LARS1: variants seen among roughly 807,000 people sequenced by gnomAD.
LARS1 encodes leucyl-tRNA synthetase 1, also known as leucine--tRNA ligase, cytoplasmic.
LARS1 carries 100 observed loss-of-function variants against 162.8 expected under a neutral mutation model. The ratio of observed to expected loss-of-function variants is 0.61; its 90% CI spans 0.52 to 0.73. The LOEUF is 0.73. Ranked by LOEUF, LARS1 falls within the 30% of genes least tolerant of loss-of-function variation. LARS1 has a pLI of 0.00. For synonymous variants in LARS1, 457 were observed against 462.8 expected, an observed-to-expected ratio of 0.99 and a Z score of 0.16; for missense variants, 1,258 against 1,408.9, an observed-to-expected ratio of 0.89 and a Z score of 1.71.
At chr5:146,166,727 A>G (rs1754022781) in intron 5 of LARS1, among the ~76,000 whole-genome samples, 1 of 152,234 alleles carries the variant, frequency 6.6e-6, no homozygotes, top group Non-Finnish European at 1.5e-5. Context: ...TTAGAAGACT[A>G]GAGTAATAAT....
chr5:146,143,132 T>G (rs1211146980), intron 19 of LARS1, 48 bp from the exon 20 acceptor site: 11 of 1,052,024 alleles, frequency 1.0e-5, no homozygotes, highest in East Asian at 2.9e-5. Flanking sequence ...TATATGTAAT[T>G]TCTTTGGAAG....
At chr5:146,174,116 A>T (rs923902735) in intron 2 of LARS1, among the ~76,000 whole-genome samples, 42 of 144,760 alleles carry the variant, frequency 2.9e-4, no homozygotes, top group Admixed American at 2.6e-3. Flanking sequence ...AACACCAGAG[A>T]CTATATTACA....
In LARS1 at chr5:146,128,990, T is replaced by G. The variant is rs1273559314; in HGVS notation, c.2757A>C (p.Pro919=). 1 of 1,583,468 alleles carries G rather than the reference T, an allele frequency of 6.3e-7. No individual in the cohort carries two copies. Among genetic ancestry groups the G allele is most frequent in the Non-Finnish European group, 8.5e-7 (1 of 1,171,732 alleles). ...AAAAAAACTTTACCTTCCCTTTAGC[T>G]GGCATCATATAGTTCTTGAGTCGTA... ...LRLRLKNYMM[P]AKGKKTDKQP... Residue 919 remains proline, a synonymous_variant, in exon 26 of 32, where the codon CCA becomes CCC. Transcript: ENST00000394434.
At chr5:146,140,148 T>A (rs1469653814) in intron 21 of LARS1, 56 bp downstream of exon 21, 14 of 1,378,404 alleles carry the variant, frequency 1.0e-5, no homozygotes, top group African/African-American at 1.4e-5. Context: ...TGCAACAACC[T>A]AAATCTGAAA....
intron 21 of LARS1, among the ~76,000 whole-genome samples, chr5:146,135,928 T>C (rs1752481396): frequency 6.6e-6 from 1 of 152,232 alleles, no homozygotes; most frequent in Admixed American, 6.5e-5. Context: ...TGATTTAGCC[T>C]ATACTGTCTG....
chr5:146,150,329 C>T (rs1466042856), intron 14 of LARS1, among the ~76,000 whole-genome samples: 1 of 152,192 alleles, frequency 6.6e-6, no homozygotes, highest in Non-Finnish European at 1.5e-5. Context: ...TTATATTTCT[C>T]TCAAATTGTT....
intron 31 of LARS1, among the ~76,000 whole-genome samples, chr5:146,119,698 G>A (rs1751733158): frequency 6.6e-6 from 1 of 152,106 alleles, no homozygotes; most frequent in Admixed American, 6.6e-5. Context: ...AATCACAAAA[G>A]ATGCAGACTT....
intron 1 of LARS1, chr5:146,179,785 T>C: frequency 3.5e-6 from 1 of 286,778 alleles, no homozygotes; most frequent in Non-Finnish European, 7.4e-6. Flanking sequence ...TATTTTTTTG[T>C]AGAGACAGGG....
intron 15 of LARS1, among the ~76,000 whole-genome samples, chr5:146,148,399 T>TA (rs755690234): frequency 7.2e-5 from 11 of 152,106 alleles, no homozygotes; most frequent in Non-Finnish European, 1.2e-4. Flanking sequence ...AGAAAAGAAA[T>TA]AGACAGTTGG....
intron 5 of LARS1, 104 bp downstream of exon 5, chr5:146,168,024 C>G: frequency 3.1e-6 from 3 of 975,620 alleles, no homozygotes; most frequent in Non-Finnish European, 4.4e-6. Flanking sequence ...AAAAAATGAT[C>G]TAGTACATTT....
chr5:146,153,009 C>G (rs1753361114), intron 13 of LARS1, among the ~76,000 whole-genome samples, 165 bp downstream of exon 13: 2 of 152,282 alleles, frequency 1.3e-5, no homozygotes, highest in South Asian at 4.1e-4. Flanking sequence ...TTTCCTTTTG[C>G]TCTTATCTAC....
intron 5 of LARS1, 36 bp from the exon 6 acceptor site, chr5:146,164,507 A>T (rs1229249692): frequency 6.3e-7 from 1 of 1,595,640 alleles, no homozygotes; most frequent in Admixed American, 1.7e-5. Flanking sequence ...TCGATCAAAG[A>T]ATAACCAACA....
At chr5:146,175,972 T>C (rs1262318995) in intron 2 of LARS1, among the ~76,000 whole-genome samples, 4 of 151,550 alleles carry the variant, frequency 2.6e-5, no homozygotes, top group Non-Finnish European at 4.4e-5. Context: ...CTGGGCAACA[T>C]AGCAAGACCC....
chr5:146,143,661 C>T (rs1226066713), intron 18 of LARS1, 111 bp from the exon 19 acceptor site: 3 of 969,306 alleles, frequency 3.1e-6, no homozygotes, highest in Non-Finnish European at 4.5e-6. Context: ...TTAGGAAGCT[C>T]TTAAATTATT....
intron 30 of LARS1, among the ~76,000 whole-genome samples, chr5:146,121,661 T>C (rs952642029): frequency 1.3e-5 from 2 of 151,890 alleles, no homozygotes; most frequent in African/African-American, 4.8e-5. Context: ...AAATGATGAG[T>C]TTATGTCCTT....
At chr5:146,162,902 T>G (rs1047504923) in intron 6 of LARS1, among the ~76,000 whole-genome samples, 15 of 152,164 alleles carry the variant, frequency 9.9e-5, no homozygotes, top group South Asian at 6.2e-4. Flanking sequence ...TGCAACCTCC[T>G]GGGTTCAAGC....
Position 146,182,551 on chromosome 5 carries a change from G to C in LARS1, c.-58C>G. On this transcript the variant is annotated 5_prime_UTR_variant, in exon 1 of 32. Coordinates refer to ENST00000394434, the MANE Select transcript of LARS1 (RefSeq NM_020117.11). ...CAATGACCCTGGCGACCTCCACAAA[G>C]GAGTGGTTACCTTTCCCCTCCCTCT... is the stretch of plus-strand genomic sequence containing the variant. 4.3e-6 allele frequency: 7 copies of C among 1,613,396 alleles called. No homozygotes were observed. The highest frequency in any genetic ancestry group is 2.2e-5 in the East Asian group (1 of 44,870).
intron 30 of LARS1, among the ~76,000 whole-genome samples, chr5:146,120,817 C>T (rs1056114891): frequency 3.9e-5 from 6 of 152,156 alleles, no homozygotes; most frequent in African/African-American, 7.2e-5. Flanking sequence ...AGCACTTCAT[C>T]GACGTTAGTT....
chr5:146,144,682 C>T lies in LARS1; in HGVS notation c.1531G>A (p.Glu511Lys). 1 of 1,614,002 alleles carries T rather than the reference C, an allele frequency of 6.2e-7. No homozygotes were observed. The highest frequency in any genetic ancestry group is 8.5e-7 in the Non-Finnish European group (1 of 1,180,004). Reference protein sequence around the residue: ...AGDALIYMEPEKQVMSRSSDE... With the variant: ...AGDALIYMEPKKQVMSRSSDE... ...GACGACCTGGACATCACTTGTTTCTCTGGTTCCATGTAAATAAGTGCATCT... is the reference window on the plus strand; with the variant it reads ...GACGACCTGGACATCACTTGTTTCTTTGGTTCCATGTAAATAAGTGCATCT... The change falls in exon 16 of 32, where the codon GAG becomes AAG. Residue 511 changes from glutamate to lysine, a missense_variant. By Grantham distance (56) the Glu-to-Lys change is moderately conservative. Coordinates refer to ENST00000394434, the MANE Select transcript of LARS1 (RefSeq NM_020117.11).
Sources: allele counts gnomAD v4.1 joint callset (sites outside exome capture counted in the v4.1 genomes callset), GRCh38; gene constraint gnomAD v4.1.1; transcripts MANE v1.5; gene names NCBI Gene and HGNC (gene_info 2026-07-23, HGNC 2026-07-21).